Variants in DNAJC1 observed in about 807,000 individuals in gnomAD.
DNAJC1 encodes dnaJ homolog subfamily C member 1.
In DNAJC1, 58 loss-of-function variants were observed where a neutral mutation model predicts 76.6. The observed-to-expected ratio is 0.76, with a 90% confidence interval of 0.61 to 0.94. The LOEUF (loss-of-function observed/expected upper bound fraction) is 0.94. Ranked by LOEUF, DNAJC1 falls within the 40% of genes least tolerant of loss-of-function variation. DNAJC1 has a pLI of 0.00. For synonymous variants in DNAJC1, 258 were observed against 267.9 expected, an observed-to-expected ratio of 0.96 and a Z score of 0.36; for missense variants, 689 against 677.3, an observed-to-expected ratio of 1.02 and a Z score of -0.19.
At chr10:21,968,834 A>G (rs192437764) in intron 1 of DNAJC1, among the ~76,000 whole-genome samples, 3 of 152,276 alleles carry the variant, frequency 2.0e-5, no homozygotes, top group Admixed American at 1.3e-4. Flanking sequence ...TTGATGGCAT[A>G]TTACAAACGC....
intron 9 of DNAJC1, among the ~76,000 whole-genome samples, chr10:21,796,693 A>T (rs911202237): frequency 6.6e-6 from 1 of 152,040 alleles, no homozygotes; most frequent in African/African-American, 2.4e-5. Flanking sequence ...TATTTCCCTA[A>T]TGATTAGAGA....
chr10:21,767,309 T>C (rs1834313062), intron 9 of DNAJC1, among the ~76,000 whole-genome samples: 2 of 152,220 alleles, frequency 1.3e-5, no homozygotes, highest in Admixed American at 6.5e-5. Flanking sequence ...TTTTTTTCTT[T>C]ATATAAATGG....
intron 8 of DNAJC1, among the ~76,000 whole-genome samples, chr10:21,816,616 G>A (rs1028577583): frequency 1.4e-5 from 2 of 146,398 alleles, no homozygotes; most frequent in African/African-American, 5.1e-5. Flanking sequence ...TGCGATCTCC[G>A]CTCACTGAAA....
At chr10:21,841,405 G>A (rs1835572087) in intron 8 of DNAJC1, among the ~76,000 whole-genome samples, 1 of 151,880 alleles carries the variant, frequency 6.6e-6, no homozygotes, top group Non-Finnish European at 1.5e-5. Flanking sequence ...AAATTTACAA[G>A]AAAAAAACAA....
chr10:21,919,989 T>G, intron 4 of DNAJC1, 60 bp from the exon 5 acceptor site: 1 of 1,045,170 alleles, frequency 9.6e-7, no homozygotes, highest in South Asian at 1.5e-5. Flanking sequence ...TCAAATGTTA[T>G]CTAGGCTCTT....
chr10:21,813,210 C>CTA (rs1835010406), intron 8 of DNAJC1, among the ~76,000 whole-genome samples: 9 of 61,440 alleles, frequency 1.5e-4, no homozygotes, highest in South Asian at 5.7e-4. Flanking sequence ...CTCTCTCTCT[C>CTA]TCTCTCTCTC....
At chr10:21,797,040 C>G (rs964102611) in intron 9 of DNAJC1, among the ~76,000 whole-genome samples, 1 of 151,972 alleles carries the variant, frequency 6.6e-6, no homozygotes, top group Non-Finnish European at 1.5e-5. Flanking sequence ...TGTCATGAGG[C>G]TTTCTCCTAT....
intron 9 of DNAJC1, chr10:21,785,309 C>CA (rs1325607407): frequency 6.6e-6 from 1 of 152,206 alleles, no homozygotes; most frequent in Non-Finnish European, 1.5e-5. Context: ...ATGTATCTGC[C>CA]AGTGATATTG....
intron 7 of DNAJC1, among the ~76,000 whole-genome samples, chr10:21,897,011 C>T (rs1836555148): frequency 6.6e-6 from 1 of 152,148 alleles, no homozygotes; most frequent in Admixed American, 6.5e-5. Context: ...CAGACAGAAA[C>T]CTTTGCCAGA....
chr10:22,001,631 T>A (rs771721476), intron 1 of DNAJC1, among the ~76,000 whole-genome samples: 48 of 152,232 alleles, frequency 3.2e-4, no homozygotes, highest in Non-Finnish European at 5.3e-4. Context: ...ATGAAAATTC[T>A]ATGAGTGTTC....
intron 9 of DNAJC1, among the ~76,000 whole-genome samples, chr10:21,796,806 C>A (rs1834755359): frequency 6.6e-6 from 1 of 151,970 alleles, no homozygotes; most frequent in Admixed American, 6.6e-5. Flanking sequence ...TATTTTTTTG[C>A]TCTTGAGTTG....
intron 1 of DNAJC1, among the ~76,000 whole-genome samples, chr10:21,935,810 A>G (rs1320087495): frequency 1.3e-5 from 2 of 152,094 alleles, no homozygotes; most frequent in Non-Finnish European, 2.9e-5. Context: ...AGATGGTAGT[A>G]AATTAACATG....
intron 11 of DNAJC1, among the ~76,000 whole-genome samples, chr10:21,758,669 C>T (rs895757009): frequency 3.3e-5 from 5 of 152,266 alleles, no homozygotes; most frequent in Admixed American, 2.6e-4. Context: ...AAGTTATTCA[C>T]ATGGCAGAAT....
chr10:21,904,042 A>T (rs1208646460), intron 7 of DNAJC1, among the ~76,000 whole-genome samples: 1 of 152,156 alleles, frequency 6.6e-6, no homozygotes, highest in African/African-American at 2.4e-5. Flanking sequence ...TGTTCAATGG[A>T]AGATTTCTTT....
At chr10:21,973,994 T>C (rs1035645550) in intron 1 of DNAJC1, among the ~76,000 whole-genome samples, 1 of 149,116 alleles carries the variant, frequency 6.7e-6, no homozygotes, top group Non-Finnish European at 1.5e-5. Flanking sequence ...CCCAGCTACT[T>C]GGGAGGCTGA....
chr10:21,817,146 C>T (rs1392207392), intron 8 of DNAJC1, among the ~76,000 whole-genome samples: 6 of 105,080 alleles, frequency 5.7e-5, no homozygotes, highest in South Asian at 3.4e-4. Flanking sequence ...GGCTACAGAG[C>T]GAGATTCCGT....
At chr10:21,922,107 C>T (rs1032904693) in intron 3 of DNAJC1, among the ~76,000 whole-genome samples, 4 of 151,904 alleles carry the variant, frequency 2.6e-5, no homozygotes, top group East Asian at 3.9e-4. Context: ...CAGTAGAACT[C>T]GGTAGTAGGT....
intron 9 of DNAJC1, among the ~76,000 whole-genome samples, chr10:21,800,789 G>C (rs1834804728): frequency 2.0e-5 from 3 of 152,172 alleles, no homozygotes; most frequent in Admixed American, 6.5e-5. Flanking sequence ...AATGTTCACA[G>C]AGATCTCTTT....
intron 8 of DNAJC1, among the ~76,000 whole-genome samples, chr10:21,817,651 TAAG>T (rs1835096391): frequency 6.6e-6 from 1 of 152,292 alleles, no homozygotes; most frequent in East Asian, 1.9e-4. Flanking sequence ...CAAAAAAATT[TAAG>T]AATAAATGTT....
Sources: allele counts gnomAD v4.1 joint callset (sites outside exome capture counted in the v4.1 genomes callset), GRCh38; gene constraint gnomAD v4.1.1; transcripts MANE v1.5; gene names NCBI Gene and HGNC (gene_info 2026-07-23, HGNC 2026-07-21).